POC1B: variants seen among roughly 807,000 people sequenced by gnomAD.
The protein encoded by POC1B is POC1 centriolar protein B.
POC1B carries 44 observed loss-of-function variants against 60.6 expected under a neutral mutation model. That is an observed-to-expected ratio of 0.73 (90% CI 0.57 to 0.93). The LOEUF (loss-of-function observed/expected upper bound fraction) is 0.93, where lower values mean the gene tolerates loss of function less well. Ranked by LOEUF, POC1B falls within the 40% of genes least tolerant of loss-of-function variation. The probability of loss-of-function intolerance (pLI) is 0.00; values close to 1 mark genes in which losing one functional copy is unlikely to be tolerated. For missense variants in POC1B, 555 were observed against 572.3 expected (o/e 0.97, Z 0.31); for synonymous variants, 180 against 198.9 (o/e 0.90, Z 0.80).
intron 3 of POC1B, among the ~76,000 whole-genome samples, chr12:89,494,539 T>C (rs1869146982): frequency 6.6e-6 from 1 of 152,046 alleles, no homozygotes; most frequent in South Asian, 2.1e-4. Flanking sequence ...GAGGAGGTGT[T>C]GTGACTCATC....
chr12:89,405,669 G>A, the POC1B span, among the ~76,000 whole-genome samples: 1 of 152,218 alleles, frequency 6.6e-6, no homozygotes, highest in South Asian at 2.1e-4. Context: ...CTAAAAATGA[G>A]TGCAGGGCCG....
chr12:89,420,971 T>A lies in POC1B; in HGVS notation c.*182A>T. 1 of 464,506 alleles carries A rather than the reference T, an allele frequency of 2.2e-6. No homozygotes were observed. The highest frequency in any genetic ancestry group is 3.9e-6 in the Non-Finnish European group (1 of 258,564). 28.8% of individuals were successfully genotyped at this position (464,506 alleles called of 1,614,324 possible). A position where few individuals can be genotyped will look rare whatever the true frequency, so the allele number is the denominator to read the frequency against. ...AATTAGTCCTTCACATTGATATGTG[T>A]TTAAATTAGTCCTTAGGTATGCCTT... On this transcript the variant is annotated 3_prime_UTR_variant, in exon 12 of 12. Coordinates refer to ENST00000313546, the MANE Select transcript of POC1B (RefSeq NM_172240.3).
At chr12:89,434,950 T>C (rs1400664107) in intron 10 of POC1B, among the ~76,000 whole-genome samples, 3 of 152,200 alleles carry the variant, frequency 2.0e-5, no homozygotes, top group Non-Finnish European at 4.4e-5. Flanking sequence ...ATTTAATATT[T>C]TTTCTAAAAA....
chr12:89,421,154 C>A lies in POC1B; in HGVS notation c.1436G>T (p.Ter479LeuextTer15). 6.3e-7 allele frequency: 1 copy of A among 1,578,624 alleles called. No homozygotes were observed. The highest frequency in any genetic ancestry group is 8.7e-7 in the Non-Finnish European group (1 of 1,153,312). Residue 479 changes from the stop codon to leucine (L), a stop_lost, in exon 12 of 12, where the codon TGA (stop) becomes TTA (leucine). Transcript: ENST00000313546. ...AACAAATGAAAATGAATTTTTTATT[C>A]AGCTTTTCTGTTGGACAGCACTGAA... ...KLFSAVQQKS[*>L]
intron 10 of POC1B, among the ~76,000 whole-genome samples, chr12:89,438,431 T>A (rs1881371840): frequency 6.6e-6 from 1 of 152,250 alleles, no homozygotes; most frequent in Admixed American, 6.5e-5. Context: ...CACGCCCGCC[T>A]GGGTGAAAGA....
In POC1B at chr12:89,472,163, C is replaced by G; in HGVS notation, c.560+5G>C. On this transcript the variant is annotated splice_donor_5th_base_variant and intron_variant, in intron 5 of 11. Coordinates refer to ENST00000313546, the MANE Select transcript of POC1B (RefSeq NM_172240.3). ...CACATAAATGCACAAAGAAAGTGTACTTACCCAACGGAATCTGAGAAGTTA... is the reference window on the plus strand; with the variant it reads ...CACATAAATGCACAAAGAAAGTGTAGTTACCCAACGGAATCTGAGAAGTTA... 1 of 1,547,202 alleles carries G rather than the reference C, an allele frequency of 6.5e-7. No homozygotes were observed. Among genetic ancestry groups the G allele is most frequent in the Non-Finnish European group, 8.9e-7 (1 of 1,123,188 alleles).
chr12:89,458,119 T>C (rs1882329909), intron 10 of POC1B, among the ~76,000 whole-genome samples: 1 of 152,210 alleles, frequency 6.6e-6, no homozygotes, highest in Non-Finnish European at 1.5e-5. Flanking sequence ...AGATTTTTAA[T>C]GATCTATGAT....
chr12:89,484,933 A>AGAT lies in POC1B; in HGVS notation c.452+7000_452+7002dup, dbSNP rs139597098. 7.4e-4 allele frequency among the ~76,000 whole-genome samples: 112 copies of AGAT among 152,292 alleles called. 2 individuals carry two copies. The East Asian group carries it at 0.02, about 28-fold the overall frequency. ...CCTAACCTGAGAAAACTATCTAACA[A>AGAT]GATTTTTTCTACAAACAACTCTTGC... On this transcript the variant is annotated intron_variant, in intron 4 of 11. Coordinates refer to ENST00000313546, the MANE Select transcript of POC1B (RefSeq NM_172240.3).
At chr12:89,412,405 G>A in the POC1B span, among the ~76,000 whole-genome samples, 6 of 147,458 alleles carry the variant, frequency 4.1e-5, no homozygotes, top group East Asian at 4.0e-4. Flanking sequence ...TAGGCCAGGC[G>A]CAGTGGCTCA....
downstream of POC1B, among the ~76,000 whole-genome samples, chr12:89,418,120 G>A (rs1345798377): frequency 2.0e-5 from 3 of 152,152 alleles, no homozygotes; most frequent in East Asian, 5.8e-4. Context: ...GTCAGGGAGT[G>A]AATGGAGGGT....
intron 10 of POC1B, among the ~76,000 whole-genome samples, chr12:89,459,293 G>C (rs1164124419): frequency 6.6e-6 from 1 of 151,224 alleles, no homozygotes; most frequent in Admixed American, 6.6e-5. Flanking sequence ...ATAGCATTAG[G>C]AGATATACCT....
chr12:89,472,085 C>T, intron 5 of POC1B, 83 bp downstream of exon 5: 1 of 968,576 alleles, frequency 1.0e-6, no homozygotes, highest in South Asian at 1.6e-5. Context: ...AATTTCTTTA[C>T]TCATTTATTT....
At chr12:89,447,104 G>T (rs1057148814) in intron 10 of POC1B, among the ~76,000 whole-genome samples, 2 of 152,064 alleles carry the variant, frequency 1.3e-5, no homozygotes, top group Non-Finnish European at 2.9e-5. Flanking sequence ...AGAGAAAACT[G>T]CTGCTCTCTA....
At chr12:89,475,976 G>A (rs1044669342) in intron 4 of POC1B, among the ~76,000 whole-genome samples, 2 of 133,938 alleles carry the variant, frequency 1.5e-5, no homozygotes, top group Non-Finnish European at 3.0e-5. Flanking sequence ...GTGCAATCTC[G>A]GCTTATTTCA....
intron 10 of POC1B, among the ~76,000 whole-genome samples, chr12:89,453,640 G>A (rs376576032): frequency 1.3e-5 from 2 of 152,166 alleles, no homozygotes; most frequent in Admixed American, 6.5e-5. Context: ...TTTACATTGC[G>A]TATGACCATT....
chr12:89,501,706 T>A lies in POC1B; in HGVS notation c.101-4364A>T. ...TCCGTCTAATTGGTGGGTGGTAAAATCAGAGGAGAGTCCTGTTTATAGCAA... is the reference window on the plus strand; with the variant it reads ...TCCGTCTAATTGGTGGGTGGTAAAAACAGAGGAGAGTCCTGTTTATAGCAA... On this transcript the variant is annotated intron_variant, in intron 2 of 11. Transcript: ENST00000313546. The A allele has an allele frequency of 3.1e-6, 3 of 963,904 alleles. No individual in the cohort carries two copies. In the East Asian group the frequency reaches 7.2e-5, roughly 23 times the overall value. 59.7% of individuals were successfully genotyped at this position (963,904 alleles called of 1,614,324 possible). A position where few individuals can be genotyped will look rare whatever the true frequency, so the allele number is the denominator to read the frequency against.
At chr12:89,501,786 T>A in intron 2 of POC1B, 1 of 1,040,404 alleles carries the variant, frequency 9.6e-7, no homozygotes, top group Non-Finnish European at 1.5e-6. Context: ...AAAAATCTGC[T>A]AAGAAAACAA....
intron 2 of POC1B, among the ~76,000 whole-genome samples, chr12:89,497,574 C>T (rs192982261): frequency 8.4e-4 from 128 of 152,244 alleles, no homozygotes; most frequent in African/African-American, 2.9e-3. Flanking sequence ...TGACTGGCCC[C>T]CGTATTCAAT....
chr12:89,467,483 T>C, intron 8 of POC1B, 134 bp downstream of exon 8: 1 of 697,706 alleles, frequency 1.4e-6, no homozygotes. Flanking sequence ...GCAGACTTCA[T>C]GGTACTAATT....
Sources: gnomAD v4.1 joint callset for allele counts (sites outside exome capture counted in the v4.1 genomes callset) on GRCh38, gnomAD v4.1.1 for gene constraint, MANE v1.5 for transcripts, NCBI Gene and HGNC (gene_info 2026-07-23, HGNC 2026-07-21) for gene names.